ITK: variants seen among roughly 807,000 people sequenced by gnomAD.
ITK encodes tyrosine-protein kinase ITK/TSK.
ITK carries 45 observed loss-of-function variants against 87.6 expected under a neutral mutation model. The observed-to-expected ratio is 0.51, with a 90% CI of 0.40 to 0.66. The LOEUF is 0.66. ITK is among the 30% of genes least tolerant of loss of function. The pLI, the probability that ITK is intolerant of heterozygous loss-of-function variation, is 0.00. For missense variants in ITK, 605 were observed against 766.3 expected (o/e 0.79, Z 2.48); for synonymous variants, 303 against 273.6 (o/e 1.11, Z -1.06).
chr5:157,213,520 G>C, intron 3 of ITK: 1 of 436,236 alleles, frequency 2.3e-6, no homozygotes, highest in Non-Finnish European at 4.5e-6. Context: ...TGGGACTACA[G>C]GTGCATGACA....
At chr5:157,234,956 T>C (rs1754747808) in intron 8 of ITK, among the ~76,000 whole-genome samples, 1 of 152,136 alleles carries the variant, frequency 6.6e-6, no homozygotes, top group Non-Finnish European at 1.5e-5. Context: ...AGAGATGAAT[T>C]GATTCATTAC....
intron 6 of ITK, among the ~76,000 whole-genome samples, chr5:157,227,373 C>A (rs190784965): frequency 9.2e-5 from 14 of 152,152 alleles, no homozygotes; most frequent in African/African-American, 3.4e-4. Context: ...TGTTTATGCA[C>A]AATTATTAAT....
intron 7 of ITK, 37 bp downstream of exon 7, chr5:157,228,398 T>C: frequency 8.5e-7 from 1 of 1,179,320 alleles, no homozygotes; most frequent in Non-Finnish European, 1.3e-6. Context: ...AATACAGTCC[T>C]AAGGAATCCT....
At chr5:157,245,565 C>T (rs536646206) in intron 13 of ITK, 161 bp from the exon 14 acceptor site, 44 of 689,560 alleles carry the variant, frequency 6.4e-5, no homozygotes, top group Non-Finnish European at 1.1e-4. Context: ...TAACTTCCAG[C>T]GGCATTTGTG....
At chr5:157,234,013 C>G (rs1754726371) in intron 8 of ITK, among the ~76,000 whole-genome samples, 2 of 112,896 alleles carry the variant, frequency 1.8e-5, no homozygotes, top group African/African-American at 3.5e-5. Flanking sequence ...CAGAGTCTCC[C>G]TCTGTCACCC....
intron 1 of ITK, 53 bp downstream of exon 1, chr5:157,181,168 T>A: frequency 6.3e-7 from 1 of 1,578,198 alleles, no homozygotes; most frequent in Middle Eastern, 1.7e-4. Context: ...ATGTTTGGAC[T>A]GGGCTAATGC....
intron 3 of ITK, among the ~76,000 whole-genome samples, chr5:157,213,319 T>C (rs1354325217): frequency 6.6e-6 from 1 of 152,178 alleles, no homozygotes; most frequent in African/African-American, 2.4e-5. Flanking sequence ...CCACCTGGTC[T>C]CTCCCTCAAC....
intron 1 of ITK, among the ~76,000 whole-genome samples, chr5:157,189,591 G>T (rs1310348332): frequency 6.6e-6 from 1 of 152,208 alleles, no homozygotes; most frequent in Non-Finnish European, 1.5e-5. Context: ...TGAAGCAGGA[G>T]AATTGCTTGA....
chr5:157,252,691 AC>A lies in ITK; in HGVS notation c.*15del. 6.3e-7 allele frequency: 1 copy of A among 1,592,436 alleles called. No homozygotes were observed. ...ATCAGGACTTTAGTAGAGACTGAGTACCAGGCCACGGGCTGCAGATCCTGAA... is the reference window on the plus strand; with the variant it reads ...ATCAGGACTTTAGTAGAGACTGAGTACAGGCCACGGGCTGCAGATCCTGAA... On this transcript the variant is annotated 3_prime_UTR_variant, in exon 17 of 17. Transcript: ENST00000422843.
intron 3 of ITK, 110 bp downstream of exon 3, chr5:157,211,478 C>T: frequency 1.0e-6 from 1 of 955,248 alleles, no homozygotes; most frequent in Non-Finnish European, 1.7e-6. Context: ...GCTGATTTCT[C>T]TTTTGGGGTT....
Position 157,215,313 on chromosome 5 carries a change from CT to C in ITK, c.454+995del, listed in dbSNP as rs1167857901. Among the ~76,000 whole-genome samples, 3 of 152,268 alleles carry C rather than the reference CT, an allele frequency of 2.0e-5. No homozygotes were observed. In the East Asian group the frequency reaches 5.8e-4, roughly 29 times the overall value. On this transcript the variant is annotated intron_variant, in intron 4 of 16. Transcript: ENST00000422843. ...TTCTTTTGTGCGCTAAAACTTAATA[CT>C]GAAAATTGGCAACCCAAGGCGGATG...
chr5:157,211,213 G>T, intron 2 of ITK, 74 bp from the exon 3 acceptor site: 2 of 1,259,732 alleles, frequency 1.6e-6, no homozygotes, highest in Non-Finnish European at 2.3e-6. Flanking sequence ...CCCACTCTCG[G>T]CTCAGTAGGT....
intron 7 of ITK, among the ~76,000 whole-genome samples, chr5:157,231,876 CT>C (rs1383567962): frequency 6.6e-6 from 1 of 152,204 alleles, no homozygotes; most frequent in Non-Finnish European, 1.5e-5. Flanking sequence ...ATTTGCTAAA[CT>C]TTCAAACTGG....
intron 16 of ITK, among the ~76,000 whole-genome samples, chr5:157,250,514 TG>T (rs1290291619): frequency 2.6e-5 from 4 of 151,834 alleles, no homozygotes; most frequent in Non-Finnish European, 2.9e-5. Flanking sequence ...TTTGGGTTTG[TG>T]GGGTTTTGTT....
chr5:157,228,721 A>G (rs1253841938), intron 7 of ITK, among the ~76,000 whole-genome samples: 1 of 149,358 alleles, frequency 6.7e-6, no homozygotes, highest in East Asian at 2.0e-4. Flanking sequence ...CGCAACCTCA[A>G]CCTACTGGGC....
Position 157,240,098 on chromosome 5 carries a change from G to A in ITK, c.888G>A (p.Lys296=). The change falls in exon 10 of 17, where the codon AAG becomes AAA. Residue 296 remains lysine (K), a synonymous_variant. Coordinates refer to ENST00000422843, the MANE Select transcript of ITK (RefSeq NM_005546.4). The stretch of plus-strand genomic sequence containing the variant: ...CCTGTATAAAGCATTATCACATCAA[G>A]GAAACAAATGACAATCCTAAGCGAT... The part of the protein sequence containing the change: ...NNPCIKHYHI[K]ETNDNPKRYY... 1.2e-6 allele frequency: 2 copies of A among 1,611,638 alleles called. No homozygotes were observed. Among genetic ancestry groups the A allele is most frequent in the Non-Finnish European group, 1.7e-6 (2 of 1,177,780 alleles).
intron 11 of ITK, among the ~76,000 whole-genome samples, chr5:157,242,444 A>G (rs1754929490): frequency 6.6e-6 from 1 of 151,874 alleles, no homozygotes. Context: ...CTATCCAAAC[A>G]CTCACCAAAA....
rs756139529 is a variant in ITK at position 157,211,346 on chromosome 5, C to T, written c.303C>T (p.Arg101=). ...CTCCAGATCGTGAGAGCCGGCAGCG[C>T]TGGGTGCTGGCCCTTAAAGAAGGTA... is the stretch of plus-strand genomic sequence containing the variant. ...VFAPDRESRQ[R]WVLALKEETR... is the part of the protein sequence containing the mutation. The change falls in exon 3 of 17, where the codon CGC becomes CGT. Residue 101 remains arginine (R), a synonymous_variant. Coordinates refer to ENST00000422843, the MANE Select transcript of ITK (RefSeq NM_005546.4). 6.2e-7 allele frequency: 1 copy of T among 1,613,954 alleles called. No individual in the cohort carries two copies. The highest frequency in any genetic ancestry group is 8.5e-7 in the Non-Finnish European group (1 of 1,179,824).
rs575730944 is a variant in ITK, at chr5:157,218,876, G to C, written c.495+969G>C. Among the ~76,000 whole-genome samples the C allele has an allele frequency of 1.4e-4, 21 of 152,246 alleles. 1 individual carries two copies. The highest frequency in any genetic ancestry group is 4.3e-4 in the African/African-American group (18 of 41,556). On this transcript the variant is annotated intron_variant, in intron 5 of 16. Coordinates refer to ENST00000422843, the MANE Select transcript of ITK (RefSeq NM_005546.4). ...TACAAATTCTTAGGCCCCACCCCCA[G>C]ACCTGCTGTGTCCAAAACGCTGGGG...
Sources: allele counts gnomAD v4.1 joint callset (sites outside exome capture counted in the v4.1 genomes callset), GRCh38; gene constraint gnomAD v4.1.1; transcripts MANE v1.5; gene names NCBI Gene and HGNC (gene_info 2026-07-23, HGNC 2026-07-21).